PBX1: variants seen among roughly 807,000 people sequenced by gnomAD.
PBX1 encodes PBX homeobox 1, also known as pre-B-cell leukemia transcription factor 1.
In PBX1, 6 loss-of-function variants were observed where a neutral mutation model predicts 53.4. That is an observed-to-expected ratio of 0.11 (90% CI 0.06 to 0.22). The LOEUF is 0.22. Among genes scored for constraint, PBX1 ranks in the 10% least tolerant of loss-of-function variants. The pLI is 1.00. For synonymous variants in PBX1, 204 were observed against 212.3 expected, an observed-to-expected ratio of 0.96 and a Z score of 0.34; for missense variants, 251 against 551.4, an observed-to-expected ratio of 0.46 and a Z score of 5.46.
intron 2 of PBX1, among the ~76,000 whole-genome samples, chr1:164,874,880 T>C (rs17391067): frequency 2.0e-5 from 3 of 152,138 alleles, no homozygotes; most frequent in African/African-American, 4.8e-5. Context: ...TTACAGATCA[T>C]TGTAGGTAGG....
At chr1:164,771,565 G>A (rs1667372079) in intron 2 of PBX1, 1 of 150,404 alleles carries the variant, frequency 6.6e-6, no homozygotes, top group African/African-American at 2.5e-5. Flanking sequence ...CTTTTTTAAA[G>A]CACCCAGAGA....
At chr1:164,631,866 A>T (rs1416784285) in intron 2 of PBX1, among the ~76,000 whole-genome samples, 1 of 152,188 alleles carries the variant, frequency 6.6e-6, no homozygotes, top group African/African-American at 2.4e-5. Flanking sequence ...ATTTTAGAAG[A>T]TCTGTTTGGC....
chr1:164,627,514 G>C (rs899512299), intron 2 of PBX1, among the ~76,000 whole-genome samples: 2 of 152,198 alleles, frequency 1.3e-5, no homozygotes, highest in African/African-American at 2.4e-5. Flanking sequence ...GGTGGCATTT[G>C]AGAATGGACC....
intron 2 of PBX1, among the ~76,000 whole-genome samples, chr1:164,639,972 A>AT (rs1276239242): frequency 4.0e-5 from 6 of 151,876 alleles, no homozygotes; most frequent in Non-Finnish European, 8.8e-5. Context: ...TGTGTTCTAT[A>AT]TTAAAAAAAA....
At position 164,633,906 on chromosome 1, in the gene PBX1, A is replaced by G. The variant is rs138207089; in HGVS notation, c.265+70595A>G. Among the ~76,000 whole-genome samples, 682 of 152,294 alleles carry G rather than the reference A, an allele frequency of 4.5e-3. 8 individuals are homozygous for G. The highest frequency in any genetic ancestry group is 0.016 in the African/African-American group (647 of 41,566). ...CAGTATATTTGTTATTATTGTTATT[A>G]TTATTTTCTTCACTCTCCAGCAGTG... On this transcript the variant is annotated intron_variant, in intron 2 of 8. Transcript: ENST00000420696.
At chr1:164,748,441 G>A (rs951121607) in intron 2 of PBX1, among the ~76,000 whole-genome samples, 4 of 152,112 alleles carry the variant, frequency 2.6e-5, no homozygotes, top group Non-Finnish European at 4.4e-5. Context: ...GATTCCTGCC[G>A]GCTTTGTTGC....
intron 8 of PBX1, chr1:164,828,772 A>G (rs1218239714): frequency 1.3e-5 from 2 of 152,170 alleles, no homozygotes; most frequent in Admixed American, 1.3e-4. Flanking sequence ...ATTATGGGAA[A>G]CATTAGCATT....
chr1:164,860,055 A>G (rs1672062121), intron 2 of PBX1, among the ~76,000 whole-genome samples: 2 of 152,208 alleles, frequency 1.3e-5, no homozygotes, highest in African/African-American at 4.8e-5. Flanking sequence ...GAAGCCCAAG[A>G]AAGCTGCTCA....
At chr1:164,727,976 A>G (rs1664784541) in intron 2 of PBX1, among the ~76,000 whole-genome samples, 1 of 152,174 alleles carries the variant, frequency 6.6e-6, no homozygotes, top group Admixed American at 6.5e-5. Context: ...AAATGAACAA[A>G]AAGTGGAGAT....
At chr1:164,740,468 G>T (rs981962699) in intron 2 of PBX1, among the ~76,000 whole-genome samples, 3 of 152,060 alleles carry the variant, frequency 2.0e-5, no homozygotes, top group Non-Finnish European at 2.9e-5. Flanking sequence ...TTGCAAATAG[G>T]CCACCATATC....
In PBX1 at chr1:164,849,748, T is replaced by G. The variant is rs927972228; in HGVS notation, c.*3072T>G. Reference sequence around the variant, plus strand: ...CACCTTCTTTCAATTTATGTTTTATTTTGCTATGGTGGTGATTCTTTATTT... The same window carrying G: ...CACCTTCTTTCAATTTATGTTTTATGTTGCTATGGTGGTGATTCTTTATTT... On this transcript the variant is annotated 3_prime_UTR_variant, in exon 9 of 9. Transcript: ENST00000420696. The G allele has an allele frequency of 1.2e-5, 3 of 253,032 alleles. No homozygotes were observed. Among genetic ancestry groups the G allele is most frequent in the African/African-American group, 4.3e-5 (2 of 46,114 alleles). The allele number at this position is 253,032 out of a possible 1,614,324, so 15.7% of individuals were successfully genotyped here. A position where few individuals can be genotyped will look rare whatever the true frequency, so the allele number is the denominator to read the frequency against.
intron 2 of PBX1, among the ~76,000 whole-genome samples, chr1:164,596,863 T>C (rs1159716635): frequency 6.6e-6 from 1 of 152,048 alleles, no homozygotes; most frequent in African/African-American, 2.4e-5. Context: ...GTTCAGTGTT[T>C]TCTAAATTAA....
intron 2 of PBX1, among the ~76,000 whole-genome samples, chr1:164,860,135 A>T (rs1033769471): frequency 6.6e-6 from 1 of 152,198 alleles, no homozygotes; most frequent in Non-Finnish European, 1.5e-5. Context: ...CTAGGCAGGA[A>T]TCCCTCACAC....
At chr1:164,617,115 C>A (rs1013352851) in intron 2 of PBX1, among the ~76,000 whole-genome samples, 1 of 152,164 alleles carries the variant, frequency 6.6e-6, no homozygotes, top group African/African-American at 2.4e-5. Context: ...TGGCCATGTG[C>A]TGGTGCCTTT....
chr1:164,572,408 T>G (rs935589979), intron 2 of PBX1, among the ~76,000 whole-genome samples: 2 of 152,210 alleles, frequency 1.3e-5, no homozygotes, highest in Admixed American at 1.3e-4. Context: ...TAAATTTATT[T>G]GACTTGAAGT....
chr1:164,801,155 A>AT (rs1669049996), intron 4 of PBX1, among the ~76,000 whole-genome samples: 1 of 152,214 alleles, frequency 6.6e-6, no homozygotes, highest in Non-Finnish European at 1.5e-5. Context: ...TCCATAGAAT[A>AT]AGTCAAGAGA....
At chr1:164,825,117 G>A (rs1460051228) in intron 8 of PBX1, among the ~76,000 whole-genome samples, 2 of 151,978 alleles carry the variant, frequency 1.3e-5, no homozygotes, top group African/African-American at 4.8e-5. Context: ...ATTCAGTATG[G>A]CCAGCTCATC....
chr1:164,705,084 ATCCT>A (rs1313557471), intron 2 of PBX1, among the ~76,000 whole-genome samples: 1 of 152,122 alleles, frequency 6.6e-6, no homozygotes, highest in Non-Finnish European at 1.5e-5. Flanking sequence ...AGGCCAGATG[ATCCT>A]TCATTATGGG....
chr1:164,872,615 T>C (rs1672408504), intron 2 of PBX1, among the ~76,000 whole-genome samples: 1 of 152,190 alleles, frequency 6.6e-6, no homozygotes, highest in Non-Finnish European at 1.5e-5. Context: ...TTCTCTTTGT[T>C]CCAGACAATG....
Sources: gnomAD v4.1 joint callset for allele counts (sites outside exome capture counted in the v4.1 genomes callset) on GRCh38, gnomAD v4.1.1 for gene constraint, MANE v1.5 for transcripts, NCBI Gene and HGNC (gene_info 2026-07-23, HGNC 2026-07-21) for gene names.